Variants in DACH1 observed in about 807,000 individuals in gnomAD.
The protein encoded by DACH1 is dachshund family transcription factor 1.
DACH1 carries 12 observed loss-of-function variants against 54.2 expected under a neutral mutation model. The ratio of observed to expected loss-of-function variants is 0.22; its 90% CI spans 0.14 to 0.36. The LOEUF (loss-of-function observed/expected upper bound fraction) is 0.36, where lower values mean the gene tolerates loss of function less well. DACH1 is among the 10% of genes least tolerant of loss of function. DACH1 has a pLI of 1.00. For missense variants in DACH1, 805 were observed against 929.8 expected, an observed-to-expected ratio of 0.87 and a Z score of 1.75; for synonymous variants, 386 against 366.2, an observed-to-expected ratio of 1.05 and a Z score of -0.62.
intron 1 of DACH1, among the ~76,000 whole-genome samples, chr13:71,682,482 C>G (rs1035590013): frequency 2.0e-5 from 3 of 152,112 alleles, no homozygotes; most frequent in African/African-American, 7.2e-5. Context: ...CACTGCTAGC[C>G]TGATATCTAG....
chr13:71,730,977 AT>A (rs1218152926), intron 1 of DACH1, among the ~76,000 whole-genome samples: 1 of 152,022 alleles, frequency 6.6e-6, no homozygotes, highest in Non-Finnish European at 1.5e-5. Flanking sequence ...ATTTTAATTT[AT>A]ATTTTTTTCA....
chr13:71,443,001 TA>T (rs1874141742), intron 10 of DACH1, among the ~76,000 whole-genome samples: 2 of 149,692 alleles, frequency 1.3e-5, no homozygotes, highest in South Asian at 2.1e-4. Context: ...TATAGGTCTT[TA>T]AAAATATAGA....
chr13:71,590,875 C>CTTTTTTTTTTTTTTTTTT (rs71123234), intron 3 of DACH1, among the ~76,000 whole-genome samples: 3 of 85,140 alleles, frequency 3.5e-5, no homozygotes, highest in Non-Finnish European at 6.5e-5. Flanking sequence ...CTCTCTCTTT[C>CTTTTTTTTTTTTTTTTTT]TTTTTTTTTT....
intron 6 of DACH1, among the ~76,000 whole-genome samples, chr13:71,492,514 C>G (rs1003040197): frequency 1.3e-5 from 2 of 152,042 alleles, no homozygotes; most frequent in Non-Finnish European, 2.9e-5. Context: ...AAAAATGGCC[C>G]TTGGAAGGAG....
chr13:71,844,070 T>C (rs139451835), intron 1 of DACH1, among the ~76,000 whole-genome samples: 53 of 152,216 alleles, frequency 3.5e-4, no homozygotes, highest in African/African-American at 1.2e-3. Context: ...CATATCCTTA[T>C]TTTCCCACAG....
chr13:71,583,740 C>T (rs1873018134), intron 3 of DACH1, among the ~76,000 whole-genome samples: 2 of 152,058 alleles, frequency 1.3e-5, no homozygotes, highest in Admixed American at 1.3e-4. Flanking sequence ...ACTTGGGAGG[C>T]AGGAGCGTTG....
chr13:71,788,161 G>A (rs1886684015), intron 1 of DACH1, among the ~76,000 whole-genome samples: 1 of 152,108 alleles, frequency 6.6e-6, no homozygotes, highest in Non-Finnish European at 1.5e-5. Flanking sequence ...TACAATAAAT[G>A]CCAGAATCAA....
intron 1 of DACH1, among the ~76,000 whole-genome samples, chr13:71,704,881 G>A (rs1452876923): frequency 9.9e-5 from 15 of 151,978 alleles, no homozygotes; most frequent in Admixed American, 9.8e-4. Context: ...CTAGAAATCG[G>A]CCAGATACTA....
intron 1 of DACH1, among the ~76,000 whole-genome samples, chr13:71,775,123 C>G (rs957127603): frequency 1.4e-4 from 11 of 78,396 alleles, no homozygotes; most frequent in Admixed American, 9.0e-4. Context: ...CATCTCAACA[C>G]AAGCTTTTTT....
At chr13:71,798,417 C>T (rs1437715567) in intron 1 of DACH1, among the ~76,000 whole-genome samples, 5 of 143,804 alleles carry the variant, frequency 3.5e-5, no homozygotes, top group African/African-American at 1.3e-4. Context: ...TGAAGAAGTA[C>T]TTAAGGTGCA....
chr13:71,463,156 T>C (rs1400434109), intron 10 of DACH1, among the ~76,000 whole-genome samples: 2 of 152,122 alleles, frequency 1.3e-5, no homozygotes, highest in Non-Finnish European at 2.9e-5. Flanking sequence ...ATTTTACTCA[T>C]TTTAAAACCA....
At position 71,613,829 on chromosome 13, in the gene DACH1, G is replaced by A. The variant is rs529171117; in HGVS notation, c.1126+16727C>T. On this transcript the variant is annotated intron_variant, in intron 3 of 10. Transcript: ENST00000613252. The stretch of plus-strand genomic sequence containing the variant: ...TCCTGGGCTCACACAATTCTATCTC[G>A]ACCTCCCGAGTTGCTGGGACCACAG... 2.4e-4 allele frequency among the ~76,000 whole-genome samples: 37 copies of A among 151,998 alleles called. No homozygotes were observed. In the South Asian group the frequency reaches 7.3e-3, roughly 30 times the overall value.
intron 6 of DACH1, among the ~76,000 whole-genome samples, chr13:71,525,570 G>A (rs542543148): frequency 1.2e-3 from 178 of 152,248 alleles, no homozygotes; most frequent in African/African-American, 4.0e-3. Context: ...TCTTGGGAAA[G>A]TAATTGAAGA....
chr13:71,676,099 G>A (rs1309480834), intron 2 of DACH1, among the ~76,000 whole-genome samples: 2 of 152,180 alleles, frequency 1.3e-5, no homozygotes, highest in Non-Finnish European at 2.9e-5. Context: ...ATTTATTAGT[G>A]AAGACAATCC....
intron 2 of DACH1, among the ~76,000 whole-genome samples, chr13:71,631,546 A>T (rs1877102886): frequency 6.6e-6 from 1 of 152,218 alleles, no homozygotes; most frequent in South Asian, 2.1e-4. Context: ...ATGTAATGAA[A>T]GCTAACACTT....
chr13:71,758,794 C>G (rs961588870), intron 1 of DACH1, among the ~76,000 whole-genome samples: 1 of 152,186 alleles, frequency 6.6e-6, no homozygotes, highest in African/African-American at 2.4e-5. Flanking sequence ...ATAATTTCTA[C>G]GGGTAATTCC....
intron 1 of DACH1, among the ~76,000 whole-genome samples, chr13:71,801,080 G>GT (rs5804585): frequency 0.53 from 81,007 of 151,920 alleles, 23,231 homozygotes; most frequent in East Asian, 0.86. Flanking sequence ...ACACAGCAGT[G>GT]TTTCTAGACT....
intron 3 of DACH1, among the ~76,000 whole-genome samples, chr13:71,624,379 CAG>C (rs1283848182): frequency 6.6e-6 from 1 of 152,010 alleles, no homozygotes; most frequent in East Asian, 1.9e-4. Flanking sequence ...TGTGAAGCTA[CAG>C]AGAGCAAATT....
chr13:71,680,438 GA>G (rs367569261), intron 2 of DACH1, among the ~76,000 whole-genome samples: 1 of 151,454 alleles, frequency 6.6e-6, no homozygotes, highest in African/African-American at 2.4e-5. Flanking sequence ...CCCATCTCTA[GA>G]AAAAAAATAC....
Sources: gnomAD v4.1 joint callset for allele counts (sites outside exome capture counted in the v4.1 genomes callset) on GRCh38, gnomAD v4.1.1 for gene constraint, MANE v1.5 for transcripts, NCBI Gene and HGNC (gene_info 2026-07-23, HGNC 2026-07-21) for gene names.